PCDH15: variants seen among roughly 807,000 people sequenced by gnomAD.
The protein encoded by PCDH15 is protocadherin related 15, also known as protocadherin-15.
PCDH15 carries 129 observed loss-of-function variants against 178.5 expected under a neutral mutation model. The observed-to-expected ratio is 0.72, with a 90% CI of 0.63 to 0.84. The LOEUF is 0.84. Ranked by LOEUF, PCDH15 falls within the 40% of genes least tolerant of loss-of-function variation. PCDH15 has a pLI of 0.00. For synonymous variants in PCDH15, 800 were observed against 732.0 expected (o/e 1.09, Z -1.50); for missense variants, 2,230 against 2,099.9 (o/e 1.06, Z -1.21).
chr10:53,936,412 A>G (rs1287887559), intron 25 of PCDH15, among the ~76,000 whole-genome samples: 1 of 152,166 alleles, frequency 6.6e-6, no homozygotes, highest in African/African-American at 2.4e-5. Context: ...CAAAATATTT[A>G]CAGATTGAAT....
At chr10:55,077,438 T>TTC (rs773469694) in intron 2 of PCDH15, among the ~76,000 whole-genome samples, 910 of 74,678 alleles carry the variant, frequency 0.012, 3 homozygotes, top group South Asian at 0.028. Context: ...TTCCTTCCTT[T>TTC]CTTCCTTCCT....
intron 1 of PCDH15, among the ~76,000 whole-genome samples, chr10:54,723,225 A>T (rs74465635): frequency 0.015 from 2,309 of 150,968 alleles, 62 homozygotes; most frequent in African/African-American, 0.051. Flanking sequence ...GGAACAGAAA[A>T]GATAACTCAG....
In PCDH15 at chr10:53,871,974, C is replaced by T. The variant is rs1178474248; in HGVS notation, c.3502-5117G>A. On this transcript the variant is annotated intron_variant, in intron 26 of 37. Coordinates refer to ENST00000644397, the MANE Select transcript of PCDH15 (RefSeq NM_001384140.1). The stretch of plus-strand genomic sequence containing the variant: ...CAGCCTGACCAATATGGAGAAACCC[C>T]GTCTCTACTAAAAATATAAAATTAG... 5.3e-5 allele frequency among the ~76,000 whole-genome samples: 8 copies of T among 152,178 alleles called. No homozygotes were observed. The East Asian group carries it at 5.8e-4, about 11-fold the overall frequency.
chr10:55,377,485 T>C (rs749237162), intron 2 of PCDH15, among the ~76,000 whole-genome samples: 2 of 151,950 alleles, frequency 1.3e-5, no homozygotes, highest in Non-Finnish European at 2.9e-5. Flanking sequence ...CTTACTTATA[T>C]TTAATTACTA....
intron 8 of PCDH15, among the ~76,000 whole-genome samples, chr10:54,244,712 C>T (rs749850607): frequency 1.3e-5 from 2 of 152,306 alleles, no homozygotes; most frequent in Non-Finnish European, 2.9e-5. Context: ...CTACTTCTCA[C>T]ACTGCCACAG....
At chr10:54,305,574 AG>A (rs1249785036) in intron 8 of PCDH15, among the ~76,000 whole-genome samples, 2 of 152,092 alleles carry the variant, frequency 1.3e-5, no homozygotes, top group African/African-American at 4.8e-5. Flanking sequence ...CAAATGATAT[AG>A]GGAAAGTCTC....
chr10:55,359,945 C>A (rs530992992), intron 2 of PCDH15, among the ~76,000 whole-genome samples: 1 of 151,670 alleles, frequency 6.6e-6, no homozygotes, highest in East Asian at 1.9e-4. Flanking sequence ...AAGTCTAATT[C>A]ATTTAAGCAG....
rs149910150 is a variant in PCDH15, at chr10:54,830,320, A to C, written c.-29+67130T>G. Among the ~76,000 whole-genome samples the C allele has an allele frequency of 7.0e-3, 1,070 of 152,278 alleles. 13 individuals are homozygous for C. The highest frequency in any genetic ancestry group is 0.024 in the African/African-American group (1,004 of 41,554). The stretch of plus-strand genomic sequence containing the variant: ...TGTGGCACTGTTCACAATAGCAAAG[A>C]CTTGGAACCAACCCAAATGTCCAAC... On this transcript the variant is annotated intron_variant, in intron 3 of 5. Transcript: ENST00000458638.
At chr10:54,437,667 C>T (rs1344616324) in intron 3 of PCDH15, among the ~76,000 whole-genome samples, 1 of 152,082 alleles carries the variant, frequency 6.6e-6, no homozygotes, top group African/African-American at 2.4e-5. Flanking sequence ...GTCTGGCATA[C>T]AATTAAATCT....
chr10:55,263,891 C>A (rs896749682), intron 1 of PCDH15, among the ~76,000 whole-genome samples: 7 of 151,970 alleles, frequency 4.6e-5, no homozygotes, highest in Non-Finnish European at 1.0e-4. Context: ...CCTGCCACCA[C>A]GCCCGGCTAA....
rs115315575 is a variant in PCDH15, at chr10:54,951,173, T to C, written c.-79-53673A>G. Among the ~76,000 whole-genome samples the C allele has an allele frequency of 5.9e-3, 898 of 152,028 alleles. 9 individuals are homozygous for C. Among genetic ancestry groups the C allele is most frequent in the African/African-American group, 0.02 (811 of 41,510 alleles). ...ACATGTGTCCACCAGTACAATATCA[T>C]ACAGAACAGCTTCACTGCCTGAAAA... On this transcript the variant is annotated intron_variant, in intron 2 of 5. Coordinates refer to the PCDH15 transcript ENST00000458638.
chr10:55,621,572 G>T (rs577921976), intron 2 of PCDH15, among the ~76,000 whole-genome samples: 1 of 152,280 alleles, frequency 6.6e-6, no homozygotes, highest in South Asian at 2.1e-4. Context: ...ATAGGACCAG[G>T]AACCCTATGG....
chr10:55,607,811 G>A (rs1843262486), intron 2 of PCDH15, among the ~76,000 whole-genome samples: 1 of 149,920 alleles, frequency 6.7e-6, no homozygotes, highest in Admixed American at 6.7e-5. Context: ...TGACAAGTTA[G>A]TGGGTGCAGC....
intron 2 of PCDH15, among the ~76,000 whole-genome samples, chr10:55,373,101 T>TGATA (rs1290777383): frequency 1.3e-5 from 2 of 152,094 alleles, no homozygotes; most frequent in Non-Finnish European, 2.9e-5. Flanking sequence ...GCAACAAACC[T>TGATA]ACCAGACAGG....
chr10:54,777,265 G>A (rs1022990524), intron 1 of PCDH15, among the ~76,000 whole-genome samples: 1 of 152,018 alleles, frequency 6.6e-6, no homozygotes, highest in Non-Finnish European at 1.5e-5. Context: ...ACCAATCATC[G>A]AGCGCTGGCT....
At position 55,097,733 on chromosome 10, in the gene PCDH15, T is replaced by C. The variant is rs76785853; in HGVS notation, c.-80+68843A>G. The stretch of plus-strand genomic sequence containing the variant: ...ACAGATAGATAGATAGATGGATAGA[T>C]AGATAAAACAGAATCCTGAAGAGTC... On this transcript the variant is annotated intron_variant, in intron 2 of 5. Coordinates refer to the PCDH15 transcript ENST00000458638. Among the ~76,000 whole-genome samples, 12 of 152,134 alleles carry C rather than the reference T, an allele frequency of 7.9e-5. No homozygotes were observed. In the East Asian group the frequency reaches 1.4e-3, roughly 17 times the overall value.
chr10:54,027,403 C>T (rs1054479063), intron 18 of PCDH15, among the ~76,000 whole-genome samples: 4 of 152,120 alleles, frequency 2.6e-5, no homozygotes, highest in Non-Finnish European at 4.4e-5. Context: ...CCCCATCAAG[C>T]TACCAATGCC....
At chr10:55,036,349 C>T (rs748620966) in intron 2 of PCDH15, among the ~76,000 whole-genome samples, 3 of 152,138 alleles carry the variant, frequency 2.0e-5, no homozygotes, top group Non-Finnish European at 4.4e-5. Flanking sequence ...AACTATTACA[C>T]TTATTATGCA....
At chr10:55,149,171 G>A (rs1838612795) in intron 2 of PCDH15, among the ~76,000 whole-genome samples, 1 of 125,340 alleles carries the variant, frequency 8.0e-6, no homozygotes, top group South Asian at 2.5e-4. Context: ...TAACTTAAAT[G>A]ACAGAAAACA....
Sources: gnomAD v4.1 joint callset for allele counts (sites outside exome capture counted in the v4.1 genomes callset) on GRCh38, gnomAD v4.1.1 for gene constraint, MANE v1.5 for transcripts, NCBI Gene and HGNC (gene_info 2026-07-23, HGNC 2026-07-21) for gene names.